SLC6A14: variants seen among roughly 807,000 people sequenced by gnomAD.
SLC6A14 encodes solute carrier family 6 member 14, also known as sodium- and chloride-dependent neutral and basic amino acid transporter B(0+).
SLC6A14 carries 21 observed loss-of-function variants against 51.4 expected under a neutral mutation model. The observed-to-expected ratio is 0.41, with a 90% CI of 0.29 to 0.59. The LOEUF is 0.59. Among genes scored for constraint, SLC6A14 ranks in the 20% least tolerant of loss-of-function variants. The pLI is 0.31. For synonymous variants in SLC6A14, 177 were observed against 160.7 expected (o/e 1.10, Z -0.77); for missense variants, 371 against 472.8 (o/e 0.78, Z 2.00).
intron 5 of SLC6A14, among the ~76,000 whole-genome samples, 181 bp downstream of exon 5, chrX:116,443,971 A>G (rs1927654256): frequency 8.9e-6 from 1 of 111,955 alleles, no homozygotes; most frequent in Admixed American, 9.5e-5. Context: ...TACCTGCAAA[A>G]TTAGCTCATA....
At chrX:116,439,936 G>GA (rs1378296842) in intron 2 of SLC6A14, among the ~76,000 whole-genome samples, 2 of 110,225 alleles carry the variant, frequency 1.8e-5, no homozygotes, top group Admixed American at 9.7e-5. Flanking sequence ...TTTGAGAGTT[G>GA]AAAAAAATGT....
At chrX:116,455,335 A>G (rs1556694715) in intron 11 of SLC6A14, 22 bp from the exon 12 acceptor site, 4 of 1,130,193 alleles carry the variant, frequency 3.5e-6, no homozygotes, top group East Asian at 3.0e-5. Flanking sequence ...CAAGCACTCA[A>G]TGTACTCTTT....
intron 2 of SLC6A14, 28 bp downstream of exon 2, chrX:116,437,983 C>T (rs1316505573): frequency 9.2e-7 from 1 of 1,088,730 alleles, no homozygotes; most frequent in Non-Finnish European, 1.2e-6. Flanking sequence ...CACCCTCCCA[C>T]CCCCGCTTTT....
Position 116,437,656 on chromosome X carries a change from A to G in SLC6A14, c.49-134A>G, listed in dbSNP as rs782507536. 21 of 611,390 alleles carry G rather than the reference A, an allele frequency of 3.4e-5. 1 individual carries two copies. The highest frequency in any genetic ancestry group is 5.3e-5 in the Non-Finnish European group (21 of 396,726). The allele number at this position is 611,390 out of a possible 1,213,427, so 50.4% of individuals were successfully genotyped here. A position where few individuals can be genotyped will look rare whatever the true frequency, so the allele number is the denominator to read the frequency against. ...TCAGCAGAAATCTCCCCAACTTTCT[A>G]AAGCATTCCCCTCAGCTATGGTTTT... On this transcript the variant is annotated intron_variant, in intron 1 of 13. Transcript: ENST00000598581.
rs1556693905 is a variant in SLC6A14 at position 116,444,948 on chromosome X, G to A, written c.687G>A (p.Met229Ile). Residue 229 changes from methionine to isoleucine, a missense_variant, in exon 6 of 14, where the codon ATG becomes ATA. Met to Ile is a conservative substitution (Grantham distance 10). This residue lies in a region of SLC6A14 where 277 missense variants were observed against 391.8 expected (regional missense o/e 0.71). Transcript: ENST00000598581. ...NKVALQRSSG[M>I]NETGVIVWYL... is the part of the protein sequence containing the mutation. The stretch of plus-strand genomic sequence containing the variant: ...TGGCGCTCCAACGGTCAAGTGGAAT[G>A]AATGAGACTGGAGTAATTGTTTGGT... The A allele has an allele frequency of 2.5e-6, 3 of 1,209,813 alleles. No homozygotes were observed. Among genetic ancestry groups the A allele is most frequent in the African/African-American group, 1.7e-5 (1 of 57,782 alleles).
At chrX:116,454,753 T>A (rs782274671) in intron 10 of SLC6A14, among the ~76,000 whole-genome samples, 26 of 111,548 alleles carry the variant, frequency 2.3e-4, no homozygotes, top group Non-Finnish European at 9.5e-5. Context: ...ATCAACAAAT[T>A]TAAGTGCTTA....
chrX:116,442,888 T>TA (rs781860708), intron 4 of SLC6A14, 40 bp downstream of exon 4: 5 of 1,009,285 alleles, frequency 5.0e-6, no homozygotes, highest in South Asian at 2.3e-5. Context: ...TTTATATATA[T>TA]TTTTTATAAG....
chrX:116,436,960 C>T (rs1927494297), intron 1 of SLC6A14, among the ~76,000 whole-genome samples: 1 of 111,715 alleles, frequency 9.0e-6, no homozygotes. Context: ...TTAGGGCCAC[C>T]TCATCCTCTG....
At chrX:116,447,591 C>CT (rs782273399) in intron 7 of SLC6A14, among the ~76,000 whole-genome samples, 24 of 91,900 alleles carry the variant, frequency 2.6e-4, no homozygotes, top group African/African-American at 9.3e-4. Flanking sequence ...GCTTTCACTT[C>CT]TTTTTTTTTT....
At chrX:116,454,495 T>C (rs782621044) in intron 10 of SLC6A14, 53 bp downstream of exon 10, 12 of 727,040 alleles carry the variant, frequency 1.7e-5, no homozygotes, top group Non-Finnish European at 2.5e-5. Flanking sequence ...ACATACTTTA[T>C]AACCTAACTA....
At chrX:116,444,623 A>G (rs182171811) in intron 5 of SLC6A14, among the ~76,000 whole-genome samples, 1 of 111,996 alleles carries the variant, frequency 8.9e-6, no homozygotes, top group East Asian at 2.8e-4. Flanking sequence ...TTATTTACAT[A>G]AAGGATCTTG....
In SLC6A14 at chrX:116,459,523, G is replaced by T. The variant is rs1248966715; in HGVS notation, c.*568G>T. ...ACCCAAATATGTTTAAAAACTTCGT[G>T]CATTTGTTACAGCTCATGTTTTCTA... On this transcript the variant is annotated 3_prime_UTR_variant, in exon 14 of 14. Coordinates refer to ENST00000598581, the MANE Select transcript of SLC6A14 (RefSeq NM_007231.5). 10 of 111,504 alleles carry T rather than the reference G, an allele frequency of 9.0e-5. No individual in the cohort carries two copies. In the Admixed American group the frequency reaches 9.6e-4, roughly 11 times the overall value. The allele number at this position is 111,504 out of a possible 1,213,427, so 9.2% of individuals were successfully genotyped here. A position where few individuals can be genotyped will look rare whatever the true frequency, so the allele number is the denominator to read the frequency against.
At chrX:116,450,501 CT>C (rs1232375882) in intron 7 of SLC6A14, among the ~76,000 whole-genome samples, 1 of 111,766 alleles carries the variant, frequency 8.9e-6, no homozygotes, top group African/African-American at 3.3e-5. Flanking sequence ...AATACATATA[CT>C]TTTCGACATC....
intron 1 of SLC6A14, 72 bp downstream of exon 1, chrX:116,436,829 A>G (rs1271712943): frequency 6.8e-5 from 67 of 982,971 alleles, no homozygotes; most frequent in Admixed American, 1.1e-4. Context: ...TGCTAGTCTC[A>G]GTTTTTGCTT....
Position 116,446,769 on chromosome X carries a change from A to C in SLC6A14, c.818A>C (p.Tyr273Ser). The change falls in exon 7 of 14, where the codon TAT becomes TCT. Residue 273 changes from tyrosine (Y) to serine (S), a missense_variant. Physicochemically the swap from Tyr to Ser is moderately radical, Grantham distance 144. Around this residue, in one of 2 missense-constraint regions of SLC6A14, gnomAD observed 277 missense variants for 391.8 expected, o/e 0.71. Coordinates refer to ENST00000598581, the MANE Select transcript of SLC6A14 (RefSeq NM_007231.5). ...KVVYFTALFP[Y>S]VVLLILLVRG... ...GTATATTTTACAGCTCTTTTCCCCT[A>C]TGTGGTCCTACTCATCCTGTTAGTA... The C allele has an allele frequency of 8.3e-7, 1 of 1,203,075 alleles. No homozygotes were observed. The highest frequency in any genetic ancestry group is 1.8e-5 in the South Asian group (1 of 56,678).
At chrX:116,453,300 A>G (rs1365967271) in intron 9 of SLC6A14, among the ~76,000 whole-genome samples, 158 bp downstream of exon 9, 1 of 111,279 alleles carries the variant, frequency 9.0e-6, no homozygotes, top group East Asian at 2.8e-4. Flanking sequence ...TTAAATACAG[A>G]AAAATACTTG....
chrX:116,446,942 A>T, intron 7 of SLC6A14, 61 bp downstream of exon 7: 1 of 999,746 alleles, frequency 1.0e-6, no homozygotes, highest in Non-Finnish European at 1.4e-6. Context: ...TAAATGCCAA[A>T]CATCTTTGGT....
rs191592565 is a variant in SLC6A14, at chrX:116,446,579, C to A, written c.790-162C>A. Among the ~76,000 whole-genome samples the A allele has an allele frequency of 8.0e-5, 9 of 111,819 alleles. No individual in the cohort carries two copies. In the East Asian group the frequency reaches 2.5e-3, roughly 31 times the overall value. On this transcript the variant is annotated intron_variant, in intron 6 of 13. Transcript: ENST00000598581. ...ATGGATCATTTGAGAGTAGTGAGGA[C>A]ACAAATAAGAAATTATGCTAACTTT...
chrX:116,454,853 A>G (rs1927895057), intron 10 of SLC6A14, 124 bp from the exon 11 acceptor site: 13 of 505,457 alleles, frequency 2.6e-5, no homozygotes, highest in Middle Eastern at 3.4e-4. Flanking sequence ...TGCTTTTCGC[A>G]TTTTAGCAGA....
Sources: allele counts gnomAD v4.1 joint callset (sites outside exome capture counted in the v4.1 genomes callset), GRCh38; gene constraint gnomAD v4.1.1; regional missense constraint gnomAD v4.1.1; transcripts MANE v1.5; gene names NCBI Gene and HGNC (gene_info 2026-07-23, HGNC 2026-07-21).